The following FOXP2 variants were observed in gnomAD, a reference collection of about 807,000 sequenced individuals.
The protein encoded by FOXP2 is forkhead box P2, also known as forkhead box protein P2.
A neutral mutation model predicts 115.8 loss-of-function variants in FOXP2; 12 were observed. That is an observed-to-expected ratio of 0.10 (90% CI 0.07 to 0.17). The LOEUF (loss-of-function observed/expected upper bound fraction) is 0.17, where lower values mean the gene tolerates loss of function less well. Among genes scored for constraint, FOXP2 ranks in the 10% least tolerant of loss-of-function variants. The pLI is 1.00. For synonymous variants in FOXP2, 328 were observed against 297.7 expected (o/e 1.10, Z -1.05); for missense variants, 629 against 843.5 (o/e 0.75, Z 3.15).
intron 1 of FOXP2, among the ~76,000 whole-genome samples, chr7:114,198,826 A>C (rs1793983297): frequency 6.6e-6 from 1 of 152,160 alleles, no homozygotes; most frequent in South Asian, 2.1e-4. Flanking sequence ...TGATTTTATG[A>C]AATTGGGATC....
intron 2 of FOXP2, among the ~76,000 whole-genome samples, chr7:114,311,526 A>G (rs993557184): frequency 1.3e-5 from 2 of 152,154 alleles, no homozygotes; most frequent in Non-Finnish European, 2.9e-5. Flanking sequence ...AATTGTCCCA[A>G]GAGTCCCCCA....
rs772881522 is a variant in FOXP2 at position 114,629,820 on chromosome 7, T to C, written c.412T>C (p.Phe138Leu). ...GTTTATTCAGCAACAACTACAAGAGTTTTACAAGAAACAGCAAGAGCAGTT... is the reference window on the plus strand; with the variant it reads ...GTTTATTCAGCAACAACTACAAGAGCTTTACAAGAAACAGCAAGAGCAGTT... ...VMLQQQQLQE[F>L]YKKQQEQLHL... Residue 138 changes from phenylalanine (F) to leucine (L), a missense_variant, in exon 5 of 17, where the codon TTT (phenylalanine) becomes CTT (leucine). Physicochemically the swap from Phe to Leu is conservative, Grantham distance 22. This residue lies in a region of FOXP2 where 138 missense variants were observed against 205.1 expected (regional missense o/e 0.67). Coordinates refer to ENST00000350908, the MANE Select transcript of FOXP2 (RefSeq NM_014491.4). The C allele has an allele frequency of 1.2e-6, 2 of 1,610,188 alleles. No individual in the cohort carries two copies. Among genetic ancestry groups the C allele is most frequent in the Non-Finnish European group, 1.7e-6 (2 of 1,179,070 alleles).
chr7:114,318,031 A>G (rs1184126154), intron 2 of FOXP2, among the ~76,000 whole-genome samples: 2 of 152,136 alleles, frequency 1.3e-5, no homozygotes, highest in Admixed American at 1.3e-4. Flanking sequence ...AATCCTAATT[A>G]AATTTGCAAT....
At chr7:114,315,758 G>A (rs567445808) in intron 2 of FOXP2, among the ~76,000 whole-genome samples, 1 of 152,064 alleles carries the variant, frequency 6.6e-6, no homozygotes, top group Non-Finnish European at 1.5e-5. Context: ...GGAGGGCTAG[G>A]TTCCTGTAAG....
chr7:114,146,502 G>A (rs1419615951), intron 1 of FOXP2, among the ~76,000 whole-genome samples: 3 of 152,170 alleles, frequency 2.0e-5, no homozygotes, highest in Non-Finnish European at 4.4e-5. Context: ...GTAGATTGAG[G>A]AGGATGCGAT....
intron 16 of FOXP2, among the ~76,000 whole-genome samples, chr7:114,670,425 C>T (rs1807433199): frequency 1.3e-5 from 2 of 151,828 alleles, no homozygotes; most frequent in South Asian, 4.2e-4. Flanking sequence ...CAACATGCTC[C>T]AGAACTTTGT....
intron 2 of FOXP2, among the ~76,000 whole-genome samples, chr7:114,385,821 AGCCACTTCCAAGATGGTGGCGG>A (rs1464779671): frequency 6.6e-6 from 1 of 151,952 alleles, no homozygotes; most frequent in Non-Finnish European, 1.5e-5. Flanking sequence ...GATGGTGGCG[AGCCACTTCCAAGATGGTGGCGG>A]GCCGCTTCCA....
At chr7:114,660,425 T>TA (rs1806802711) in intron 13 of FOXP2, among the ~76,000 whole-genome samples, 1 of 152,138 alleles carries the variant, frequency 6.6e-6, no homozygotes, top group South Asian at 2.1e-4. Flanking sequence ...GGGGAAAATG[T>TA]TTGTAGCTGA....
intron 8 of FOXP2, among the ~76,000 whole-genome samples, chr7:114,651,294 G>A (rs1273979637): frequency 6.6e-6 from 1 of 151,876 alleles, no homozygotes; most frequent in Non-Finnish European, 1.5e-5. Context: ...GCCTTACTTT[G>A]CCCATTGGTG....
intron 2 of FOXP2, among the ~76,000 whole-genome samples, chr7:114,526,476 AAAAAAAAAAAAC>A (rs1283682117): frequency 7.0e-6 from 1 of 142,430 alleles, no homozygotes; most frequent in Non-Finnish European, 1.5e-5. Context: ...ACTCTGTCTC[AAAAAAAAAAAAC>A]AAAAAAAAAA....
chr7:114,548,711 T>G (rs921390301), intron 3 of FOXP2, among the ~76,000 whole-genome samples: 1 of 152,274 alleles, frequency 6.6e-6, no homozygotes, highest in South Asian at 2.1e-4. Flanking sequence ...CAAAGTAAAC[T>G]ATGCAAAGAT....
intron 3 of FOXP2, among the ~76,000 whole-genome samples, chr7:114,586,520 T>C (rs769015260): frequency 1.6e-4 from 25 of 152,120 alleles, no homozygotes; most frequent in African/African-American, 5.3e-4. Flanking sequence ...AATATGCAAA[T>C]AGATTTTAAC....
chr7:114,572,656 T>C (rs1801375154), intron 3 of FOXP2, among the ~76,000 whole-genome samples: 1 of 151,834 alleles, frequency 6.6e-6, no homozygotes, highest in Admixed American at 6.6e-5. Context: ...ATAATCCCAA[T>C]GGAAAAATTG....
At chr7:114,599,685 C>T (rs191563433) in intron 3 of FOXP2, among the ~76,000 whole-genome samples, 3 of 151,992 alleles carry the variant, frequency 2.0e-5, no homozygotes, top group African/African-American at 4.8e-5. Context: ...GTCCATCTTG[C>T]GTGTATCTGT....
At position 114,663,303 on chromosome 7, in the gene FOXP2, C is replaced by A. The variant is rs560656138; in HGVS notation, c.1770-147C>A. ...ATGTAAAGGGTTATATATTTGAACT[C>A]TATTACCTTATTTTTGTGGCCTTAT... On this transcript the variant is annotated intron_variant, in intron 14 of 16. Coordinates refer to ENST00000350908, the MANE Select transcript of FOXP2 (RefSeq NM_014491.4). 292 of 622,206 alleles carry A rather than the reference C, an allele frequency of 4.7e-4. 1 individual carries two copies. Among genetic ancestry groups the A allele is most frequent in the Non-Finnish European group, 7.3e-4 (259 of 354,116 alleles). 38.5% of individuals were successfully genotyped at this position (622,206 alleles called of 1,614,324 possible).
At chr7:114,323,567 C>A (rs2129181751) in intron 2 of FOXP2, among the ~76,000 whole-genome samples, 1 of 152,012 alleles carries the variant, frequency 6.6e-6, no homozygotes, top group Middle Eastern at 3.4e-3. Context: ...ATTTATCCCC[C>A]AAAAAATACG....
intron 3 of FOXP2, among the ~76,000 whole-genome samples, chr7:114,551,421 T>C (rs1338200696): frequency 2.6e-5 from 4 of 152,208 alleles, no homozygotes; most frequent in Admixed American, 6.5e-5. Context: ...TTGACAGTTA[T>C]GGCTTTTTAG....
In FOXP2 at chr7:114,460,954, T is replaced by G. The variant is rs543119742; in HGVS notation, c.168+34275T>G. Among the ~76,000 whole-genome samples the G allele has an allele frequency of 6.1e-4, 93 of 152,272 alleles. 1 individual carries two copies. The highest frequency in any genetic ancestry group is 3.4e-3 in the Middle Eastern group (1 of 294). ...CGAATCTTTACCATCCCTCCTTCCT[T>G]GAGACTGTCTTAATAAGCTGCAGTT... On this transcript the variant is annotated intron_variant, in intron 2 of 16. Transcript: ENST00000350908.
intron 2 of FOXP2, among the ~76,000 whole-genome samples, chr7:114,456,459 G>A (rs547749979): frequency 7.4e-4 from 113 of 152,280 alleles, no homozygotes; most frequent in Admixed American, 2.0e-3. Flanking sequence ...TTTTTCAACT[G>A]TAGTTTTCTT....
Sources: gnomAD v4.1 joint callset for allele counts (sites outside exome capture counted in the v4.1 genomes callset) on GRCh38, gnomAD v4.1.1 for gene constraint, gnomAD v4.1.1 regional missense constraint, MANE v1.5 for transcripts, NCBI Gene and HGNC (gene_info 2026-07-23, HGNC 2026-07-21) for gene names.